Variants in SMURF1 observed in about 807,000 individuals in gnomAD.
SMURF1 encodes the protein SMAD specific E3 ubiquitin protein ligase 1.
In SMURF1, 44 loss-of-function variants were observed where a neutral mutation model predicts 98.0. The ratio of observed to expected loss-of-function variants is 0.45; its 90% CI spans 0.35 to 0.58. The LOEUF (loss-of-function observed/expected upper bound fraction) is 0.58. Among genes scored for constraint, SMURF1 ranks in the 20% least tolerant of loss-of-function variants. SMURF1 has a pLI of 0.00. For synonymous variants in SMURF1, 396 were observed against 374.9 expected (o/e 1.06, Z -0.65); for missense variants, 687 against 938.4 (o/e 0.73, Z 3.50).
chr7:99,111,296 C>T (rs1401150263), intron 1 of SMURF1, among the ~76,000 whole-genome samples: 1 of 152,130 alleles, frequency 6.6e-6, no homozygotes, highest in African/African-American at 2.4e-5. Flanking sequence ...AAAGAGATGG[C>T]ATGTATCCAT....
At chr7:99,096,979 A>T (rs1796968824) in intron 1 of SMURF1, among the ~76,000 whole-genome samples, 1 of 152,200 alleles carries the variant, frequency 6.6e-6, no homozygotes, top group Non-Finnish European at 1.5e-5. Flanking sequence ...TGAAAAAATA[A>T]CAGGAAAATC....
In SMURF1 at chr7:99,042,158, A is replaced by G; in HGVS notation, c.1331T>C (p.Ile444Thr). The change falls in exon 12 of 18, where the codon ATT (isoleucine) becomes ACT (threonine). Residue 444 changes from isoleucine (I) to threonine (T), a missense_variant. Physicochemically the swap from Ile to Thr is moderately conservative, Grantham distance 89. Coordinates refer to ENST00000361368, the MANE Select transcript of SMURF1 (RefSeq NM_181349.3). The part of the protein sequence containing the change: ...YGLFQYSTDN[I>T]YMLQINPDSS... ...ATCCGGATTTATTTGCAACATGTAA[A>G]TATTGTCCGTAGAATACTGGAAGAG... 1 of 1,614,132 alleles carries G rather than the reference A, an allele frequency of 6.2e-7. No homozygotes were observed. The highest frequency in any genetic ancestry group is 2.2e-5 in the East Asian group (1 of 44,884).
At position 99,028,663 on chromosome 7, in the gene SMURF1, C is replaced by T. The variant is rs911249398; in HGVS notation, c.*1921G>A. ...TTCAAAGTCTTTTAAACCATGAGAC[C>T]CTGGTTTCCTTCCTAGTTACTGAAG... On this transcript the variant is annotated 3_prime_UTR_variant, in exon 18 of 18. Transcript: ENST00000361368. 6.6e-6 allele frequency: 1 copy of T among 152,190 alleles called. No homozygotes were observed. Among genetic ancestry groups the T allele is most frequent in the Non-Finnish European group, 1.5e-5 (1 of 68,046 alleles). The allele number at this position is 152,190 out of a possible 1,614,324, so 9.4% of individuals were successfully genotyped here. A position where few individuals can be genotyped will look rare whatever the true frequency, so the allele number is the denominator to read the frequency against.
chr7:99,099,711 C>T (rs577298525), intron 1 of SMURF1, among the ~76,000 whole-genome samples: 9 of 152,204 alleles, frequency 5.9e-5, no homozygotes, highest in East Asian at 3.9e-4. Flanking sequence ...CTCACTCTCA[C>T]GGAATGGATT....
chr7:99,086,851 C>T (rs1796691764), intron 1 of SMURF1, among the ~76,000 whole-genome samples: 1 of 152,086 alleles, frequency 6.6e-6, no homozygotes, highest in African/African-American at 2.4e-5. Flanking sequence ...TCGGAAATGT[C>T]CAGAATAGAC....
At position 99,118,706 on chromosome 7, in the gene SMURF1, TAG is replaced by T. The variant is rs1491283134; in HGVS notation, c.55+25018_55+25019del. Among the ~76,000 whole-genome samples, 3 of 152,208 alleles carry T rather than the reference TAG, an allele frequency of 2.0e-5. No individual in the cohort carries two copies. In the East Asian group the frequency reaches 5.8e-4, roughly 29 times the overall value. ...GGGGGTGATGAAAATGTTCTAGAGT[TAG>T]ATAGTGGTGATGGTTGTACAACACT... On this transcript the variant is annotated intron_variant, in intron 1 of 17. Transcript: ENST00000361368.
chr7:99,051,396 T>C lies in SMURF1; in HGVS notation c.767A>G (p.Gln256Arg). Residue 256 changes from glutamine (Q) to arginine (R), a missense_variant, in exon 8 of 18, where the codon CAG becomes CGG. Coordinates refer to ENST00000361368, the MANE Select transcript of SMURF1 (RefSeq NM_181349.3). Reference protein sequence around the residue: ...VQGQVYFLHTQTGVSTWHDPR... With the variant: ...VQGQVYFLHTRTGVSTWHDPR... Reference sequence around the variant, plus strand: ...GTCGTGCCACGTGCTAACTCCAGTCTGTGTATGCAAAAAGTAAACTTGGCC... The same window carrying C: ...GTCGTGCCACGTGCTAACTCCAGTCCGTGTATGCAAAAAGTAAACTTGGCC... 1.9e-6 allele frequency: 3 copies of C among 1,614,190 alleles called. No homozygotes were observed. Among genetic ancestry groups the C allele is most frequent in the Non-Finnish European group, 2.5e-6 (3 of 1,180,030 alleles).
At chr7:99,050,849 A>C in intron 8 of SMURF1, 1 of 1,152,436 alleles carries the variant, frequency 8.7e-7, no homozygotes, top group Non-Finnish European at 1.2e-6. Context: ...TTCTAAAAGG[A>C]AATAAAAAGC....
At chr7:99,103,094 C>T (rs1797125377) in intron 1 of SMURF1, among the ~76,000 whole-genome samples, 1 of 152,174 alleles carries the variant, frequency 6.6e-6, no homozygotes, top group Non-Finnish European at 1.5e-5. Flanking sequence ...TGAGCCACCA[C>T]ACCCGGTTAC....
Position 99,032,357 on chromosome 7 carries a change from A to C in SMURF1, c.2096+680T>G, listed in dbSNP as rs531533064. 2.1e-3 allele frequency among the ~76,000 whole-genome samples: 324 copies of C among 152,324 alleles called. 1 individual carries two copies. The highest frequency in any genetic ancestry group is 7.4e-3 in the African/African-American group (307 of 41,588). ...GCATAAATGAAACAGAGTCCTACAA[A>C]TCGGAAAACAGCTTTAAAAAATAAC... On this transcript the variant is annotated intron_variant, in intron 17 of 17. Transcript: ENST00000361368.
At chr7:99,032,951 C>CAAAAAAAAAACAACA in intron 17 of SMURF1, 86 bp downstream of exon 17, 1 of 1,334,406 alleles carries the variant, frequency 7.5e-7, no homozygotes, top group East Asian at 2.4e-5. Context: ...GACTCCATCT[C>CAAAAAAAAAACAACA]AAAAAAAAAC....
intron 1 of SMURF1, among the ~76,000 whole-genome samples, chr7:99,142,771 GA>G (rs1798159177): frequency 6.6e-6 from 1 of 151,044 alleles, no homozygotes; most frequent in African/African-American, 2.4e-5. Context: ...AGACCAGGAG[GA>G]TGAGGGGAGG....
At chr7:99,055,509 GT>G (rs11436024) in intron 5 of SMURF1, among the ~76,000 whole-genome samples, 13 of 151,568 alleles carry the variant, frequency 8.6e-5, no homozygotes, top group African/African-American at 2.7e-4. Flanking sequence ...AAAATAAGAA[GT>G]TTTTTTGGGG....
chr7:99,114,889 T>C (rs1178162978), intron 1 of SMURF1, among the ~76,000 whole-genome samples: 1 of 151,960 alleles, frequency 6.6e-6, no homozygotes, highest in Non-Finnish European at 1.5e-5. Flanking sequence ...ACACTGTTAA[T>C]CAATAGGTCA....
intron 9 of SMURF1, chr7:99,049,110 G>C (rs1036538244): frequency 6.5e-6 from 1 of 153,942 alleles, no homozygotes; most frequent in African/African-American, 2.4e-5. Context: ...AAAAAAAAGA[G>C]CTATGTGGAA....
intron 10 of SMURF1, among the ~76,000 whole-genome samples, chr7:99,047,175 C>T (rs372591970): frequency 6.6e-6 from 1 of 152,214 alleles, no homozygotes; most frequent in African/African-American, 2.4e-5. Flanking sequence ...ACCTGCTCCT[C>T]GCCAATTTCC....
chr7:99,130,617 A>C (rs1275683989), intron 1 of SMURF1, among the ~76,000 whole-genome samples: 1 of 152,246 alleles, frequency 6.6e-6, no homozygotes, highest in Non-Finnish European at 1.5e-5. Flanking sequence ...CTTTTGCTTC[A>C]TACTACCACA....
At chr7:99,031,795 C>T (rs1384287026) in intron 17 of SMURF1, among the ~76,000 whole-genome samples, 1 of 152,134 alleles carries the variant, frequency 6.6e-6, no homozygotes, top group East Asian at 1.9e-4. Context: ...AGCATCTGAC[C>T]CCGCATCCTT....
At chr7:99,046,290 A>G (rs904827930) in intron 10 of SMURF1, among the ~76,000 whole-genome samples, 3 of 152,362 alleles carry the variant, frequency 2.0e-5, no homozygotes, top group Admixed American at 2.0e-4. Flanking sequence ...AAGGTGGCTT[A>G]AGCACAGCAC....
Sources: allele counts gnomAD v4.1 joint callset (sites outside exome capture counted in the v4.1 genomes callset), GRCh38; gene constraint gnomAD v4.1.1; transcripts MANE v1.5; gene names NCBI Gene and HGNC (gene_info 2026-07-23, HGNC 2026-07-21).